FUT9: variants seen among roughly 807,000 people sequenced by gnomAD.
FUT9 encodes the protein fucosyltransferase 9.
Under a neutral mutation model 29.7 loss-of-function variants are expected in FUT9, and 15 were observed. That is an observed-to-expected ratio of 0.51 (90% CI 0.34 to 0.78). The LOEUF (loss-of-function observed/expected upper bound fraction) is 0.78, where lower values mean the gene tolerates loss of function less well. FUT9 is among the 30% of genes least tolerant of loss of function. FUT9 has a pLI of 0.01. For missense variants in FUT9, 319 were observed against 425.4 expected (o/e 0.75, Z 2.20); for synonymous variants, 169 against 153.7 (o/e 1.10, Z -0.74).
rs759567521 is a variant in FUT9, at chr6:96,213,403, C to T, written c.*9168C>T. On this transcript the variant is annotated 3_prime_UTR_variant, in exon 3 of 3. Transcript: ENST00000302103. Reference sequence around the variant, plus strand: ...CTGAAACAAAATGTGACAATTCTAGCCATTATGTGAATTGTAAGGGTCAGT... The same window carrying T: ...CTGAAACAAAATGTGACAATTCTAGTCATTATGTGAATTGTAAGGGTCAGT... 1 of 166,704 alleles carries T rather than the reference C, an allele frequency of 6.0e-6. No individual in the cohort carries two copies. Among genetic ancestry groups the T allele is most frequent in the Non-Finnish European group, 1.5e-5 (1 of 67,994 alleles). 10.3% of individuals were successfully genotyped at this position (166,704 alleles called of 1,614,324 possible).
At chr6:96,073,487 G>A (rs1051803471) in intron 1 of FUT9, among the ~76,000 whole-genome samples, 2 of 151,892 alleles carry the variant, frequency 1.3e-5, no homozygotes, top group African/African-American at 4.8e-5. Context: ...ATAAAGGATG[G>A]TATTACTGAT....
At chr6:96,043,302 C>CA (rs201020013) in intron 1 of FUT9, among the ~76,000 whole-genome samples, 36 of 70,058 alleles carry the variant, frequency 5.1e-4, no homozygotes, top group African/African-American at 8.5e-4. Flanking sequence ...CCTCTCGCCT[C>CA]GGGTCCCAAA....
intron 2 of FUT9, among the ~76,000 whole-genome samples, chr6:96,186,123 CT>C (rs1453709644): frequency 2.0e-5 from 3 of 151,972 alleles, no homozygotes. Flanking sequence ...TTAAACTTGC[CT>C]TTTTTTCTAA....
At chr6:96,127,819 A>G (rs1241224491) in intron 2 of FUT9, among the ~76,000 whole-genome samples, 1 of 152,026 alleles carries the variant, frequency 6.6e-6, no homozygotes, top group African/African-American at 2.4e-5. Context: ...GGCCATGTGT[A>G]TGTCTTCTTT....
intron 1 of FUT9, among the ~76,000 whole-genome samples, chr6:96,058,530 A>G (rs1770816973): frequency 6.6e-6 from 1 of 150,580 alleles, no homozygotes; most frequent in Non-Finnish European, 1.5e-5. Flanking sequence ...CACTTTGGAA[A>G]TCCCTTTGAA....
At chr6:96,169,115 G>A (rs1773066090) in intron 2 of FUT9, among the ~76,000 whole-genome samples, 1 of 152,168 alleles carries the variant, frequency 6.6e-6, no homozygotes, top group Non-Finnish European at 1.5e-5. Context: ...CGCTGAAGGA[G>A]GGAGCTGGGT....
intron 1 of FUT9, among the ~76,000 whole-genome samples, chr6:96,085,751 G>A (rs2127952180): frequency 6.6e-6 from 1 of 152,216 alleles, no homozygotes; most frequent in Non-Finnish European, 1.5e-5. Context: ...GAAATATAGA[G>A]TTTTTCAGCA....
chr6:96,087,663 C>T (rs538630505), intron 1 of FUT9, among the ~76,000 whole-genome samples: 1 of 152,086 alleles, frequency 6.6e-6, no homozygotes, highest in Non-Finnish European at 1.5e-5. Flanking sequence ...CCACGTCCGG[C>T]CTTCCCCACA....
intron 1 of FUT9, among the ~76,000 whole-genome samples, chr6:96,033,141 G>A (rs972378049): frequency 2.6e-5 from 4 of 151,436 alleles, no homozygotes; most frequent in African/African-American, 4.8e-5. Context: ...GAAAGGAAGC[G>A]TAAAAGCAAA....
Position 96,106,219 on chromosome 6 carries a change from C to CTTCCTTCCTTCT in FUT9, c.-97-7809_-97-7808insTTTCCTTCCTTC, listed in dbSNP as rs1771682390. Among the ~76,000 whole-genome samples the CTTCCTTCCTTCT allele has an allele frequency of 4.6e-5, 7 of 150,892 alleles. No individual in the cohort carries two copies. The South Asian group carries it at 1.5e-3, about 32-fold the overall frequency. On this transcript the variant is annotated intron_variant, in intron 1 of 2. Transcript: ENST00000302103. ...AATCATCACAATCCATCAACCCTTC[C>CTTCCTTCCTTCT]TTCCTTCCTTCCTTCCTTCCTTCCT...
chr6:96,106,280 G>C (rs773470946), intron 1 of FUT9, among the ~76,000 whole-genome samples: 6 of 90,392 alleles, frequency 6.6e-5, no homozygotes, highest in Non-Finnish European at 1.5e-4. Flanking sequence ...TTTGTCAGAA[G>C]AATTGGGAGG....
Position 96,155,668 on chromosome 6 carries a change from G to A in FUT9, c.-9+41541G>A, listed in dbSNP as rs548873655. Among the ~76,000 whole-genome samples, 143 of 147,526 alleles carry A rather than the reference G, an allele frequency of 9.7e-4. 2 individuals carry two copies. Among genetic ancestry groups the A allele is most frequent in the Non-Finnish European group, 1.5e-3 (99 of 67,176 alleles). ...AGCCTGGGCGACAGAGTGAGACTCC[G>A]TTTAAAAAAAAAAAAAGGAAAGAAA... is the stretch of plus-strand genomic sequence containing the variant. On this transcript the variant is annotated intron_variant, in intron 2 of 2. Coordinates refer to ENST00000302103, the MANE Select transcript of FUT9 (RefSeq NM_006581.4).
At chr6:96,039,993 T>A (rs1770430977) in intron 1 of FUT9, among the ~76,000 whole-genome samples, 1 of 152,198 alleles carries the variant, frequency 6.6e-6, no homozygotes, top group Admixed American at 6.6e-5. Flanking sequence ...CTTGCTTTTT[T>A]ACTTTCTTTC....
intron 1 of FUT9, among the ~76,000 whole-genome samples, chr6:96,068,951 G>GGA (rs1771007150): frequency 6.6e-6 from 1 of 151,914 alleles, no homozygotes; most frequent in Non-Finnish European, 1.5e-5. Context: ...CTTTTTGTAC[G>GGA]CAGATAATAA....
intron 1 of FUT9, among the ~76,000 whole-genome samples, chr6:96,043,138 G>T (rs561179107): frequency 2.0e-5 from 3 of 152,058 alleles, no homozygotes; most frequent in Non-Finnish European, 4.4e-5. Flanking sequence ...TGCAAGCTCC[G>T]CCTCCCGGGT....
At chr6:96,120,917 T>C (rs140845142) in intron 2 of FUT9, among the ~76,000 whole-genome samples, 3 of 152,028 alleles carry the variant, frequency 2.0e-5, no homozygotes, top group South Asian at 4.2e-4. Context: ...GTAGGACAAA[T>C]AGATGGAAAA....
In FUT9 at chr6:96,118,718, T is replaced by A. The variant is rs1277311934; in HGVS notation, c.-9+4591T>A. Among the ~76,000 whole-genome samples the A allele has an allele frequency of 2.6e-5, 4 of 152,276 alleles. No individual in the cohort carries two copies. The East Asian group carries it at 7.7e-4, about 29-fold the overall frequency. On this transcript the variant is annotated intron_variant, in intron 2 of 2. Transcript: ENST00000302103. ...GGTATTCCAGAAGAAGGGATTGTTA[T>A]CATAGGAGATGACAGGTCCATGCAC...
At chr6:96,189,706 T>G (rs985312706) in intron 2 of FUT9, among the ~76,000 whole-genome samples, 13 of 152,166 alleles carry the variant, frequency 8.5e-5, no homozygotes, top group African/African-American at 2.9e-4. Flanking sequence ...AAAGTCTGTT[T>G]TATCAGAGAC....
chr6:96,086,369 T>C (rs1397171751), intron 1 of FUT9, among the ~76,000 whole-genome samples: 3 of 152,224 alleles, frequency 2.0e-5, no homozygotes, highest in Non-Finnish European at 4.4e-5. Context: ...CAATTTGTTG[T>C]CAGCTTTACA....
Sources: allele counts gnomAD v4.1 joint callset (sites outside exome capture counted in the v4.1 genomes callset), GRCh38; gene constraint gnomAD v4.1.1; transcripts MANE v1.5; gene names NCBI Gene and HGNC (gene_info 2026-07-23, HGNC 2026-07-21).